CHD1: variants seen among roughly 807,000 people sequenced by gnomAD.
The protein encoded by CHD1 is chromodomain helicase DNA binding protein 1.
Under a neutral mutation model 224.2 loss-of-function variants are expected in CHD1, and 36 were observed. That is an observed-to-expected ratio of 0.16 (90% CI 0.12 to 0.21). CHD1 has a LOEUF of 0.21. CHD1 is among the 10% of genes least tolerant of loss of function. The probability of loss-of-function intolerance (pLI) is 1.00; values close to 1 mark genes in which losing one functional copy is unlikely to be tolerated. For synonymous variants in CHD1, 668 were observed against 658.3 expected (o/e 1.01, Z -0.23); for missense variants, 1,378 against 1,994.8 (o/e 0.69, Z 5.89).
At chr5:98,888,767 A>G (rs1180682760) in intron 16 of CHD1, among the ~76,000 whole-genome samples, 11 of 152,212 alleles carry the variant, frequency 7.2e-5, no homozygotes, top group Non-Finnish European at 1.3e-4. Context: ...CAAATCACAA[A>G]TGCAGCACAA....
chr5:98,865,629 G>A (rs935381393), intron 31 of CHD1, among the ~76,000 whole-genome samples: 1 of 152,160 alleles, frequency 6.6e-6, no homozygotes, highest in Non-Finnish European at 1.5e-5. Context: ...CATTTAGGAA[G>A]ACAACCAGTA....
chr5:98,920,088 T>C (rs1000751212), intron 2 of CHD1, among the ~76,000 whole-genome samples: 8 of 152,030 alleles, frequency 5.3e-5, no homozygotes, highest in African/African-American at 1.9e-4. Context: ...AAATACCTAT[T>C]ATACATAAAT....
rs1751341137 is a variant in CHD1 at position 98,896,291 on chromosome 5, T to C, written c.1645A>G (p.Ile549Val). 18 of 1,614,048 alleles carry C rather than the reference T, an allele frequency of 1.1e-5. No homozygotes were observed. The highest frequency in any genetic ancestry group is 1.4e-5 in the Non-Finnish European group (17 of 1,180,018). Reference sequence around the variant, plus strand: ...TTCATTTGAGAAGCCCAAGTCTGAATTTCCCTTTGCCAGGAAGTAAGAGTG... The same window carrying C: ...TTCATTTGAGAAGCCCAAGTCTGAACTTCCCTTTGCCAGGAAGTAAGAGTG... Reference protein sequence around the residue: ...LSTLTSWQREIQTWASQMNAV... With the variant: ...LSTLTSWQREVQTWASQMNAV... The change falls in exon 12 of 36, where the codon ATT (isoleucine) becomes GTT (valine). Residue 549 changes from isoleucine (I) to valine (V), a missense_variant. Around this residue, in one of 16 missense-constraint regions of CHD1, gnomAD observed 49 missense variants for 135.7 expected, o/e 0.36. Coordinates refer to ENST00000614616, the MANE Select transcript of CHD1 (RefSeq NM_001270.4).
chr5:98,926,508 G>A lies in CHD1; in HGVS notation c.-122C>T. The A allele has an allele frequency of 2.1e-6, 1 of 473,400 alleles. No individual in the cohort carries two copies. The allele number at this position is 473,400 out of a possible 1,614,324, so 29.3% of individuals were successfully genotyped here. ...GATGAATTTTCTTCAACAGTCACAG[G>A]TTTTCTGGGACTCTCCTTTGATTCA... On this transcript the variant is annotated 5_prime_UTR_variant, in exon 2 of 36. Transcript: ENST00000614616.
chr5:98,859,007 A>G lies in CHD1; in HGVS notation c.4533T>C (p.Ser1511=). The change falls in exon 34 of 36, where the codon AGT becomes AGC. Residue 1511 remains serine (S), a synonymous_variant. Coordinates refer to ENST00000614616, the MANE Select transcript of CHD1 (RefSeq NM_001270.4). ...GAGGATTCAAGTTGCTGTTTTGATC[A>G]CTGTTTTGCTAAAATAAATGCACAC... ...IKKRQESQQN[S]DQNSNLNPHV... 2 of 1,578,932 alleles carry G rather than the reference A, an allele frequency of 1.3e-6. No homozygotes were observed. Among genetic ancestry groups the G allele is most frequent in the Non-Finnish European group, 1.7e-6 (2 of 1,168,438 alleles).
intron 2 of CHD1, among the ~76,000 whole-genome samples, chr5:98,921,305 T>C (rs562008382): frequency 6.6e-6 from 1 of 152,146 alleles, no homozygotes; most frequent in East Asian, 1.9e-4. Context: ...ACACAATTAA[T>C]TGGAGGTTCG....
At chr5:98,881,027 A>G in intron 22 of CHD1, 49 bp downstream of exon 22, 2 of 1,032,248 alleles carry the variant, frequency 1.9e-6, no homozygotes, top group Non-Finnish European at 3.0e-6. Flanking sequence ...GACATAACTC[A>G]ATTCCTCTCA....
intron 8 of CHD1, among the ~76,000 whole-genome samples, chr5:98,899,148 C>A (rs1024457930): frequency 6.6e-6 from 1 of 152,098 alleles, no homozygotes; most frequent in Non-Finnish European, 1.5e-5. Flanking sequence ...TAAAATATAA[C>A]CCACACACAT....
chr5:98,889,056 C>T lies in CHD1; in HGVS notation c.2343+20G>A. On this transcript the variant is annotated intron_variant, in intron 16 of 35. Transcript: ENST00000614616. The stretch of plus-strand genomic sequence containing the variant: ...TTTCTAGAACTTTATCACAAAGAAA[C>T]AACATTTAAAAATTCTTACTTGTAA... 6.7e-7 allele frequency: 1 copy of T among 1,503,638 alleles called. No homozygotes were observed. Among genetic ancestry groups the T allele is most frequent in the South Asian group, 1.2e-5 (1 of 83,094 alleles). 93.1% of individuals were successfully genotyped at this position (1,503,638 alleles called of 1,614,324 possible).
chr5:98,879,611 TTTCTTC>T lies in CHD1; in HGVS notation c.3172_3177del (p.Glu1058_Glu1059del). On this transcript the variant is annotated inframe_deletion, in exon 23 of 36. Coordinates refer to ENST00000614616, the MANE Select transcript of CHD1 (RefSeq NM_001270.4). ...TAAATTTCTTCAAGTTCCTTTTGTC[TTTCTTC>T]TTCTTCTAATCGTCTTCTTTGATCT... The T allele has an allele frequency of 6.2e-7, 1 of 1,605,352 alleles. No individual in the cohort carries two copies. Among genetic ancestry groups the T allele is most frequent in the Non-Finnish European group, 8.5e-7 (1 of 1,176,898 alleles).
At chr5:98,885,273 T>A (rs552359312) in intron 18 of CHD1, among the ~76,000 whole-genome samples, 110 of 152,178 alleles carry the variant, frequency 7.2e-4, no homozygotes, top group African/African-American at 2.5e-3. Flanking sequence ...GCGCCTGTAA[T>A]CCCAGCTACT....
rs758683718 is a variant in CHD1 at position 98,889,058 on chromosome 5, A to C, written c.2343+18T>G. 3 of 1,511,466 alleles carry C rather than the reference A, an allele frequency of 2.0e-6. No homozygotes were observed. The highest frequency in any genetic ancestry group is 1.8e-5 in the Admixed American group (1 of 54,106). The allele number at this position is 1,511,466 out of a possible 1,614,324, so 93.6% of individuals were successfully genotyped here. A position where few individuals can be genotyped will look rare whatever the true frequency, so the allele number is the denominator to read the frequency against. On this transcript the variant is annotated intron_variant, in intron 16 of 35. Transcript: ENST00000614616. The stretch of plus-strand genomic sequence containing the variant: ...TCTAGAACTTTATCACAAAGAAACA[A>C]CATTTAAAAATTCTTACTTGTAAGG...
chr5:98,879,784 GT>G (rs1007293289), intron 22 of CHD1, 56 bp from the exon 23 acceptor site: 22 of 1,261,638 alleles, frequency 1.7e-5, no homozygotes, highest in East Asian at 2.5e-5. Context: ...ATCCCTAAAA[GT>G]TTTTTTTAAG....
chr5:98,907,588 CAAAAAAAA>C (rs34839165), intron 2 of CHD1, among the ~76,000 whole-genome samples: 1 of 87,522 alleles, frequency 1.1e-5, no homozygotes, highest in African/African-American at 4.1e-5. Flanking sequence ...AACTCCATCT[CAAAAAAAA>C]AAAAAAAAAA....
chr5:98,925,489 A>G (rs1214806327), intron 2 of CHD1, among the ~76,000 whole-genome samples: 1 of 152,212 alleles, frequency 6.6e-6, no homozygotes, highest in East Asian at 1.9e-4. Context: ...CCTAATTCAC[A>G]CAACTAATAA....
Position 98,903,872 on chromosome 5 carries a change from T to G in CHD1, c.292A>C (p.Arg98=). The change falls in exon 4 of 36, where the codon AGA becomes CGA. Residue 98 remains arginine (R), a synonymous_variant. Coordinates refer to ENST00000614616, the MANE Select transcript of CHD1 (RefSeq NM_001270.4). ...KSSPSILAVQ[R]SAILKKQQQQ... ...TGCTGCTTCTTGAGGATTGCAGATC[T>G]CTGAACGGCCAGAATACTAGGACTA... is the stretch of plus-strand genomic sequence containing the variant. The G allele has an allele frequency of 6.2e-7, 1 of 1,612,080 alleles. No individual in the cohort carries two copies. The highest frequency in any genetic ancestry group is 2.2e-5 in the East Asian group (1 of 44,768).
chr5:98,858,437 G>A, intron 34 of CHD1, 47 bp from the exon 35 acceptor site: 1 of 1,502,620 alleles, frequency 6.7e-7, no homozygotes, highest in Non-Finnish European at 9.1e-7. Flanking sequence ...AAATAATGTG[G>A]CAAAAAAAAC....
Position 98,911,337 on chromosome 5 carries a change from A to T in CHD1, c.54-6239T>A, listed in dbSNP as rs112174419. Among the ~76,000 whole-genome samples, 709 of 151,840 alleles carry T rather than the reference A, an allele frequency of 4.7e-3. 8 individuals are homozygous for T. Among genetic ancestry groups the T allele is most frequent in the African/African-American group, 0.016 (652 of 41,384 alleles). On this transcript the variant is annotated intron_variant, in intron 2 of 35. Coordinates refer to ENST00000614616, the MANE Select transcript of CHD1 (RefSeq NM_001270.4). ...ACCCTTGAGTCTGTGCTGATGACAG[A>T]AACAGACACACAGAGGAGGGCTCTG...
chr5:98,868,932 G>T, intron 30 of CHD1: 2 of 615,756 alleles, frequency 3.2e-6, no homozygotes, highest in Non-Finnish European at 2.1e-6. Context: ...GACTAATAAG[G>T]GCTGATATGC....
Sources: allele counts gnomAD v4.1 joint callset (sites outside exome capture counted in the v4.1 genomes callset), GRCh38; gene constraint gnomAD v4.1.1; regional missense constraint gnomAD v4.1.1; transcripts MANE v1.5; gene names NCBI Gene and HGNC (gene_info 2026-07-23, HGNC 2026-07-21).